CREB5: variants seen among roughly 807,000 people sequenced by gnomAD.
The protein encoded by CREB5 is cAMP responsive element binding protein 5.
In CREB5, 19 loss-of-function variants were observed where a neutral mutation model predicts 57.1. That is an observed-to-expected ratio of 0.33 (90% confidence interval 0.23 to 0.49). CREB5 has a LOEUF of 0.49. CREB5 is among the 20% of genes least tolerant of loss of function. The pLI is 0.99. For missense variants in CREB5, 579 were observed against 671.6 expected (o/e 0.86, Z 1.52); for synonymous variants, 238 against 238.3 (o/e 1.00, Z 0.01).
At chr7:28,479,745 A>T (rs1791244762) in intron 1 of CREB5, among the ~76,000 whole-genome samples, 1 of 152,200 alleles carries the variant, frequency 6.6e-6, no homozygotes, top group Admixed American at 6.5e-5. Context: ...CCAGTATGAT[A>T]CCATCATTCT....
At position 28,818,079 on chromosome 7, in the gene CREB5, G is replaced by T. The variant is rs1400010887; in HGVS notation, c.1263G>T (p.Val421=). 2 of 1,612,976 alleles carry T rather than the reference G, an allele frequency of 1.2e-6. No individual in the cohort carries two copies. The highest frequency in any genetic ancestry group is 1.7e-6 in the Non-Finnish European group (2 of 1,179,206). The part of the protein sequence containing the change: ...TQTNMQLQNE[V]SMLKNEVAQL... ...ATACATATCTCTTTTAGAATGAAGT[G>T]TCTATGTTGAAAAATGAGGTGGCCC... Residue 421 remains valine (V), a synonymous_variant, in exon 10 of 11, where the codon GTG becomes GTT. Transcript: ENST00000357727.
At chr7:28,446,719 G>C (rs1460926789) in intron 1 of CREB5, among the ~76,000 whole-genome samples, 1 of 152,174 alleles carries the variant, frequency 6.6e-6, no homozygotes, top group Non-Finnish European at 1.5e-5. Context: ...GTGAACCCGG[G>C]AGGTGGAGAT....
intron 5 of CREB5, among the ~76,000 whole-genome samples, chr7:28,674,292 A>G (rs923660122): frequency 2.0e-5 from 3 of 152,132 alleles, no homozygotes; most frequent in Non-Finnish European, 2.9e-5. Flanking sequence ...TTGACTTTTA[A>G]TCTCTTTCCT....
chr7:28,318,816 A>T (rs78535133), intron 1 of CREB5, among the ~76,000 whole-genome samples: 1 of 152,314 alleles, frequency 6.6e-6, no homozygotes, highest in Middle Eastern at 3.4e-3. Flanking sequence ...GAAGAATTTC[A>T]AGGCTCATCA....
At chr7:28,306,568 T>TTTTTTTTTTTG (rs1785191546) in intron 1 of CREB5, among the ~76,000 whole-genome samples, 3 of 132,714 alleles carry the variant, frequency 2.3e-5, no homozygotes, top group Non-Finnish European at 4.9e-5. Flanking sequence ...TTTTTTTTTT[T>TTTTTTTTTTTG]TTTTTTTTTT....
intron 4 of CREB5, among the ~76,000 whole-genome samples, chr7:28,536,188 C>T (rs778334931): frequency 5.3e-5 from 8 of 152,150 alleles, no homozygotes; most frequent in Admixed American, 1.3e-4. Context: ...ATAAGGTACA[C>T]GAAGGGGGAT....
intron 5 of CREB5, among the ~76,000 whole-genome samples, chr7:28,603,108 C>T (rs1209828146): frequency 6.6e-6 from 1 of 152,040 alleles, no homozygotes. Context: ...TTCCACAATC[C>T]TACCATGACA....
intron 5 of CREB5, among the ~76,000 whole-genome samples, chr7:28,593,031 A>G (rs1044515146): frequency 6.6e-6 from 1 of 152,224 alleles, no homozygotes; most frequent in African/African-American, 2.4e-5. Context: ...ATATCGCTCT[A>G]GCAGGTCAAA....
intron 5 of CREB5, among the ~76,000 whole-genome samples, chr7:28,617,240 G>T (rs1797627028): frequency 6.6e-6 from 1 of 152,212 alleles, no homozygotes; most frequent in Non-Finnish European, 1.5e-5. Flanking sequence ...TTGTTTATAT[G>T]ATAATGTTGA....
chr7:28,637,290 T>C (rs1295546426), intron 5 of CREB5, among the ~76,000 whole-genome samples: 1 of 152,196 alleles, frequency 6.6e-6, no homozygotes, highest in Non-Finnish European at 1.5e-5. Flanking sequence ...TTCTATTCAA[T>C]CATTCATTTA....
At chr7:28,728,465 T>C (rs1344720565) in intron 7 of CREB5, among the ~76,000 whole-genome samples, 1 of 152,210 alleles carries the variant, frequency 6.6e-6, no homozygotes, top group South Asian at 2.1e-4. Flanking sequence ...TACATAAAAA[T>C]GGGAGACAAG....
chr7:28,560,957 T>TGCGTGC (rs1375860415), intron 4 of CREB5, among the ~76,000 whole-genome samples: 2 of 43,438 alleles, frequency 4.6e-5, no homozygotes, highest in African/African-American at 2.0e-4. Context: ...TGTGCGTGTG[T>TGCGTGC]GTGCGTGTGT....
intron 1 of CREB5, among the ~76,000 whole-genome samples, chr7:28,434,126 A>G (rs1307233822): frequency 1.3e-5 from 2 of 152,058 alleles, no homozygotes; most frequent in Non-Finnish European, 2.9e-5. Context: ...ATTAGTTAAC[A>G]AGGGCTTGGG....
intron 5 of CREB5, among the ~76,000 whole-genome samples, chr7:28,636,992 A>G (rs1475737018): frequency 6.6e-6 from 1 of 152,072 alleles, no homozygotes; most frequent in Non-Finnish European, 1.5e-5. Flanking sequence ...TGACTCTACA[A>G]AAAGTACAAA....
chr7:28,319,940 A>C (rs1286734856), intron 1 of CREB5, among the ~76,000 whole-genome samples: 1 of 152,004 alleles, frequency 6.6e-6, no homozygotes, highest in African/African-American at 2.4e-5. Flanking sequence ...ATTTTTAAAA[A>C]AATTTTTTGA....
intron 3 of CREB5, among the ~76,000 whole-genome samples, chr7:28,496,557 A>AG (rs1792060194): frequency 6.6e-6 from 1 of 152,112 alleles, no homozygotes; most frequent in Non-Finnish European, 1.5e-5. Flanking sequence ...GGAAAAGATG[A>AG]GGGCCCTTGA....
chr7:28,624,998 ATTTT>A (rs10603623), intron 5 of CREB5, among the ~76,000 whole-genome samples: 5 of 138,382 alleles, frequency 3.6e-5, no homozygotes, highest in African/African-American at 7.9e-5. Context: ...ACCATGTTGG[ATTTT>A]TTTTTTTTTT....
At chr7:28,354,010 G>A (rs1016158209) in intron 1 of CREB5, among the ~76,000 whole-genome samples, 1 of 152,150 alleles carries the variant, frequency 6.6e-6, no homozygotes, top group Non-Finnish European at 1.5e-5. Context: ...ACTATATCTG[G>A]AGATAAGCAG....
At chr7:28,769,290 G>C (rs968528902) in intron 7 of CREB5, among the ~76,000 whole-genome samples, 3 of 152,176 alleles carry the variant, frequency 2.0e-5, no homozygotes, top group Non-Finnish European at 2.9e-5. Context: ...ACTACAAGGT[G>C]ACTATAATAA....
Sources: allele counts gnomAD v4.1 joint callset (sites outside exome capture counted in the v4.1 genomes callset), GRCh38; gene constraint gnomAD v4.1.1; transcripts MANE v1.5; gene names NCBI Gene and HGNC (gene_info 2026-07-23, HGNC 2026-07-21).